Variants in ARHGAP42 observed in about 807,000 individuals in gnomAD.
The protein encoded by ARHGAP42 is Rho GTPase activating protein 42.
In ARHGAP42, 63 loss-of-function variants were observed where a neutral mutation model predicts 125.0. The observed-to-expected ratio is 0.50, with a 90% CI of 0.41 to 0.62. The LOEUF (loss-of-function observed/expected upper bound fraction) is 0.62. ARHGAP42 is among the 20% of genes least tolerant of loss of function. ARHGAP42 has a pLI of 0.00. For synonymous variants in ARHGAP42, 339 were observed against 351.0 expected (o/e 0.97, Z 0.38); for missense variants, 766 against 1,024.2 (o/e 0.75, Z 3.44).
intron 4 of ARHGAP42, among the ~76,000 whole-genome samples, chr11:100,880,235 C>G (rs1865925195): frequency 6.6e-6 from 1 of 152,132 alleles, no homozygotes; most frequent in African/African-American, 2.4e-5. Context: ...AATTTGTAGT[C>G]TTTTATCCCT....
chr11:100,978,842 G>T, intron 21 of ARHGAP42, 145 bp from the exon 22 acceptor site: 6 of 758,112 alleles, frequency 7.9e-6, no homozygotes, highest in Non-Finnish European at 1.3e-5. Context: ...GACATTAAAG[G>T]TTAAAACAAT....
intron 1 of ARHGAP42, among the ~76,000 whole-genome samples, chr11:100,764,616 T>C (rs1184664631): frequency 6.6e-6 from 1 of 152,226 alleles, no homozygotes; most frequent in Non-Finnish European, 1.5e-5. Flanking sequence ...TCATTATTTC[T>C]GAAAGTGAAT....
chr11:100,893,750 G>A (rs1365467967), intron 4 of ARHGAP42, among the ~76,000 whole-genome samples: 2 of 151,984 alleles, frequency 1.3e-5, no homozygotes, highest in African/African-American at 4.8e-5. Flanking sequence ...ACAGAACTAA[G>A]CTTTTAGGAA....
chr11:100,960,076 T>C (rs1033456769), intron 13 of ARHGAP42, 131 bp downstream of exon 13: 5 of 771,418 alleles, frequency 6.5e-6, no homozygotes, highest in African/African-American at 5.3e-5. Flanking sequence ...GTAATATAAA[T>C]GTATGTATCG....
chr11:100,889,534 A>G (rs77238288), intron 4 of ARHGAP42, among the ~76,000 whole-genome samples: 7,995 of 152,202 alleles, frequency 0.053, 381 homozygotes, highest in East Asian at 0.25. Flanking sequence ...TCTGTTCTTT[A>G]TAAATTACCT....
chr11:100,691,282 A>G (rs1056144145), intron 1 of ARHGAP42, among the ~76,000 whole-genome samples: 3 of 121,468 alleles, frequency 2.5e-5, no homozygotes, highest in East Asian at 2.5e-4. Context: ...GTGAAAAAGT[A>G]GGTTACTTTT....
At chr11:100,726,881 G>A (rs1387693354) in intron 1 of ARHGAP42, among the ~76,000 whole-genome samples, 1 of 152,198 alleles carries the variant, frequency 6.6e-6, no homozygotes, top group Non-Finnish European at 1.5e-5. Flanking sequence ...GCTTCATTTG[G>A]CATTCATCTA....
At chr11:100,706,332 A>T (rs767187208) in intron 1 of ARHGAP42, among the ~76,000 whole-genome samples, 36 of 152,332 alleles carry the variant, frequency 2.4e-4, no homozygotes, top group Non-Finnish European at 4.1e-4. Flanking sequence ...ATTTTTAGTA[A>T]GTGCTCATTA....
At chr11:100,831,134 A>C (rs1055464025) in intron 3 of ARHGAP42, among the ~76,000 whole-genome samples, 1 of 152,108 alleles carries the variant, frequency 6.6e-6, no homozygotes, top group Non-Finnish European at 1.5e-5. Flanking sequence ...GAGCTTGGGC[A>C]TATTACCAAA....
chr11:100,720,342 G>A (rs1166184015), intron 1 of ARHGAP42, among the ~76,000 whole-genome samples: 1 of 152,204 alleles, frequency 6.6e-6, no homozygotes, highest in African/African-American at 2.4e-5. Context: ...TTGTTCCTAT[G>A]AATGATTGTT....
Position 100,971,585 on chromosome 11 carries a change from T to C in ARHGAP42, c.1551-1590T>C, listed in dbSNP as rs522684. On this transcript the variant is annotated intron_variant, in intron 17 of 23. Transcript: ENST00000298815. ...AAATCAGTCATTAAAATAATCCATC[T>C]TCTGTGCAATGTAGTCATTAACCCA... Among the ~76,000 whole-genome samples, 11 of 152,306 alleles carry C rather than the reference T, an allele frequency of 7.2e-5. No individual in the cohort carries two copies. In the East Asian group the frequency reaches 1.9e-3, roughly 27 times the overall value.
intron 4 of ARHGAP42, among the ~76,000 whole-genome samples, chr11:100,860,843 G>A (rs1323495671): frequency 2.0e-5 from 3 of 152,102 alleles, no homozygotes; most frequent in East Asian, 1.9e-4. Flanking sequence ...AGCAATTTTC[G>A]AGTGAAGGAC....
intron 4 of ARHGAP42, among the ~76,000 whole-genome samples, chr11:100,889,134 A>C (rs1866160948): frequency 6.6e-6 from 1 of 152,236 alleles, no homozygotes; most frequent in Non-Finnish European, 1.5e-5. Flanking sequence ...GTAAATATTT[A>C]GTGAATCACT....
intron 1 of ARHGAP42, among the ~76,000 whole-genome samples, chr11:100,707,308 A>G (rs577590439): frequency 2.0e-5 from 3 of 152,300 alleles, no homozygotes; most frequent in African/African-American, 7.2e-5. Flanking sequence ...CTGTATTACA[A>G]CTCATTTTTA....
intron 12 of ARHGAP42, among the ~76,000 whole-genome samples, chr11:100,952,974 C>T (rs968661155): frequency 1.1e-4 from 16 of 152,096 alleles, no homozygotes; most frequent in African/African-American, 3.4e-4. Context: ...TCGAACTCCT[C>T]GGGTAAATTT....
intron 1 of ARHGAP42, among the ~76,000 whole-genome samples, chr11:100,711,065 G>A (rs1861558348): frequency 6.6e-6 from 1 of 152,204 alleles, no homozygotes; most frequent in Admixed American, 6.5e-5. Flanking sequence ...TTGAATAAAT[G>A]GTTATGTTGA....
chr11:100,849,590 TGG>T (rs1217709766), intron 3 of ARHGAP42, among the ~76,000 whole-genome samples: 4 of 151,776 alleles, frequency 2.6e-5, no homozygotes, highest in African/African-American at 4.8e-5. Flanking sequence ...ATTTTTTTTT[TGG>T]TTTTATTTTT....
intron 3 of ARHGAP42, among the ~76,000 whole-genome samples, chr11:100,844,153 C>G (rs976669311): frequency 1.3e-5 from 2 of 152,014 alleles, no homozygotes; most frequent in African/African-American, 2.4e-5. Flanking sequence ...CAAATACTTA[C>G]AGCCAACTGA....
At chr11:100,890,308 A>G (rs1450047177) in intron 4 of ARHGAP42, among the ~76,000 whole-genome samples, 1 of 152,174 alleles carries the variant, frequency 6.6e-6, no homozygotes, top group Non-Finnish European at 1.5e-5. Flanking sequence ...TGATCTTTCA[A>G]AAGTTCTGTT....
Sources: allele counts gnomAD v4.1 joint callset (sites outside exome capture counted in the v4.1 genomes callset), GRCh38; gene constraint gnomAD v4.1.1; transcripts MANE v1.5; gene names NCBI Gene and HGNC (gene_info 2026-07-23, HGNC 2026-07-21).